DCAF6: variants seen among roughly 807,000 people sequenced by gnomAD.
DCAF6 encodes DDB1 and CUL4 associated factor 6.
DCAF6 carries 54 observed loss-of-function variants against 125.1 expected under a neutral mutation model. The observed-to-expected ratio is 0.43, with a 90% confidence interval of 0.35 to 0.54. The LOEUF (loss-of-function observed/expected upper bound fraction) is 0.54, where lower values mean the gene tolerates loss of function less well. Among genes scored for constraint, DCAF6 ranks in the 20% least tolerant of loss-of-function variants. The probability of loss-of-function intolerance (pLI) is 0.01; values close to 1 mark genes in which losing one functional copy is unlikely to be tolerated. For missense variants in DCAF6, 934 were observed against 1,161.7 expected (o/e 0.80, Z 2.85); for synonymous variants, 371 against 390.4 (o/e 0.95, Z 0.58).
chr1:168,045,856 G>T (rs1360480147), intron 16 of DCAF6, among the ~76,000 whole-genome samples: 1 of 152,022 alleles, frequency 6.6e-6, no homozygotes, highest in Non-Finnish European at 1.5e-5. Context: ...AATTTTTAAA[G>T]TATACTGCAT....
At chr1:167,993,053 TG>T (rs1681095957) in intron 6 of DCAF6, among the ~76,000 whole-genome samples, 172 bp from the exon 7 acceptor site, 1 of 152,238 alleles carries the variant, frequency 6.6e-6, no homozygotes, top group Admixed American at 6.5e-5. Flanking sequence ...TATTCTTTTT[TG>T]TTTTGTTACA....
chr1:167,995,497 T>G (rs1242737177), intron 7 of DCAF6, among the ~76,000 whole-genome samples: 1 of 152,056 alleles, frequency 6.6e-6, no homozygotes, highest in South Asian at 2.1e-4. Context: ...CTGGCCAACA[T>G]GGTGAAACCC....
chr1:168,006,460 T>C (rs550732935), intron 10 of DCAF6, among the ~76,000 whole-genome samples: 1 of 152,336 alleles, frequency 6.6e-6, no homozygotes, highest in South Asian at 2.1e-4. Context: ...ATTATCACTA[T>C]TGAGAAAAAT....
intron 5 of DCAF6, 65 bp from the exon 6 acceptor site, chr1:167,991,139 T>C: frequency 2.9e-6 from 4 of 1,359,828 alleles, no homozygotes; most frequent in Non-Finnish European, 4.0e-6. Context: ...TGAGAAAATA[T>C]TTTAAATATA....
chr1:167,984,024 A>G (rs896864140), intron 4 of DCAF6, among the ~76,000 whole-genome samples: 2 of 152,190 alleles, frequency 1.3e-5, no homozygotes, highest in Admixed American at 1.3e-4. Flanking sequence ...CCATAGTCGC[A>G]AGGCTGCTGT....
chr1:167,868,976 C>A, the DCAF6 span, among the ~76,000 whole-genome samples: 2 of 152,158 alleles, frequency 1.3e-5, no homozygotes, highest in African/African-American at 4.8e-5. Flanking sequence ...AATAGATTGG[C>A]TCTCGACTAC....
chr1:167,899,054 G>GT, the DCAF6 span, among the ~76,000 whole-genome samples: 1 of 152,134 alleles, frequency 6.6e-6, no homozygotes, highest in East Asian at 1.9e-4. Flanking sequence ...GGTTAGGAGG[G>GT]TGTTGGGTAA....
At position 168,004,685 on chromosome 1, in the gene DCAF6, A is replaced by C; in HGVS notation, c.1270A>C (p.Thr424Pro). The change falls in exon 10 of 22, where the codon ACA becomes CCA. Residue 424 changes from threonine to proline, a missense_variant. By Grantham distance (38) the Thr-to-Pro change is conservative (BLOSUM62 -1). This residue lies in a region of DCAF6 where 559 missense variants were observed against 635.5 expected (regional missense o/e 0.88). Coordinates refer to ENST00000367840, the MANE Select transcript of DCAF6 (RefSeq NM_001198956.2). ...TACAATGTCAGCTCAGGCTCATTCG[A>C]CATCATCTCCCACAGAAAGCCCTCA... ...SSTMSAQAHSTSSPTESPHST... is the reference protein window; with the variant it reads ...SSTMSAQAHSPSSPTESPHST... 1.9e-6 allele frequency: 3 copies of C among 1,614,030 alleles called. No individual in the cohort carries two copies. Among genetic ancestry groups the C allele is most frequent in the Non-Finnish European group, 1.7e-6 (2 of 1,179,936 alleles).
intron 1 of DCAF6, among the ~76,000 whole-genome samples, chr1:167,945,039 G>A (rs1399795416): frequency 2.6e-5 from 4 of 152,104 alleles, no homozygotes; most frequent in Non-Finnish European, 2.9e-5. Flanking sequence ...GCAAGTATGC[G>A]GCTTTATTTC....
At chr1:168,006,351 T>C (rs1683340992) in intron 10 of DCAF6, among the ~76,000 whole-genome samples, 1 of 152,170 alleles carries the variant, frequency 6.6e-6, no homozygotes, top group Non-Finnish European at 1.5e-5. Flanking sequence ...TCATAAATTA[T>C]TTATAGGAAG....
At chr1:167,901,621 A>C in the DCAF6 span, 1 of 1,604,206 alleles carries the variant, frequency 6.2e-7, no homozygotes, top group Admixed American at 1.7e-5. Flanking sequence ...TCAAGACCCT[A>C]TCCCAGCTGC....
chr1:168,024,804 C>CA (rs76178208), intron 12 of DCAF6, among the ~76,000 whole-genome samples: 2,556 of 74,664 alleles, frequency 0.034, 41 homozygotes, highest in African/African-American at 0.073. Flanking sequence ...ACTCTGTATC[C>CA]AAAAAAAAAA....
chr1:168,047,827 T>C (rs959842029), intron 16 of DCAF6, among the ~76,000 whole-genome samples: 1 of 152,118 alleles, frequency 6.6e-6, no homozygotes, highest in Admixed American at 6.6e-5. Flanking sequence ...ACCAAAAATT[T>C]GTAAATGGTG....
chr1:167,953,039 G>C (rs996042758), intron 2 of DCAF6, among the ~76,000 whole-genome samples: 7 of 152,170 alleles, frequency 4.6e-5, no homozygotes, highest in Admixed American at 3.3e-4. Flanking sequence ...TCATATGTAA[G>C]CCTAAAAAGC....
chr1:167,940,061 A>G (rs1391647592), intron 1 of DCAF6, among the ~76,000 whole-genome samples: 1 of 152,188 alleles, frequency 6.6e-6, no homozygotes, highest in East Asian at 1.9e-4. Context: ...ATTTCACCAT[A>G]GCATGTGCCC....
the DCAF6 span, chr1:167,878,313 G>A: frequency 1.0e-6 from 1 of 956,374 alleles, no homozygotes; most frequent in Non-Finnish European, 1.6e-6. Flanking sequence ...TGAAGTCTGG[G>A]CCTTGGTCTG....
chr1:167,915,782 T>C, the DCAF6 span, among the ~76,000 whole-genome samples: 2 of 152,202 alleles, frequency 1.3e-5, no homozygotes, highest in Non-Finnish European at 2.9e-5. Flanking sequence ...CTTCAATATT[T>C]ACTGTGGACC....
intron 16 of DCAF6, among the ~76,000 whole-genome samples, chr1:168,049,247 T>G (rs1015210011): frequency 6.6e-6 from 1 of 152,128 alleles, no homozygotes; most frequent in Non-Finnish European, 1.5e-5. Flanking sequence ...TATTTCATTT[T>G]GTTTTATTTT....
the DCAF6 span, among the ~76,000 whole-genome samples, chr1:167,887,768 A>T: frequency 2.6e-5 from 4 of 151,586 alleles, no homozygotes; most frequent in African/African-American, 9.7e-5. Flanking sequence ...TTTATCTGAT[A>T]AAATAATTCT....
Sources: allele counts gnomAD v4.1 joint callset (sites outside exome capture counted in the v4.1 genomes callset), GRCh38; gene constraint gnomAD v4.1.1; regional missense constraint gnomAD v4.1.1; transcripts MANE v1.5; gene names NCBI Gene and HGNC (gene_info 2026-07-23, HGNC 2026-07-21).